Variants in CMIP observed in about 807,000 individuals in gnomAD.
The protein encoded by CMIP is c-Maf inducing protein, also known as C-Maf-inducing protein.
CMIP carries 13 observed loss-of-function variants against 97.3 expected under a neutral mutation model. The observed-to-expected ratio is 0.13, with a 90% CI of 0.09 to 0.21. The LOEUF is 0.21. Ranked by LOEUF, CMIP falls within the 10% of genes least tolerant of loss-of-function variation. The pLI is 1.00. For synonymous variants in CMIP, 538 were observed against 436.3 expected (o/e 1.23, Z -2.91); for missense variants, 847 against 1,024.9 (o/e 0.83, Z 2.37).
rs143023892 is a variant in CMIP at position 81,482,980 on chromosome 16, A to G, written c.300+37439A>G. Among the ~76,000 whole-genome samples, 627 of 152,350 alleles carry G rather than the reference A, an allele frequency of 4.1e-3. 13 individuals carry two copies. Among genetic ancestry groups the G allele is most frequent in the East Asian group, 7.5e-3 (39 of 5,184 alleles). ...CAGGCACCATTGCAGGCACGGAGCA[A>G]AGCAGGCATCATCCTGGCCTACTTG... On this transcript the variant is annotated intron_variant, in intron 1 of 20. Coordinates refer to ENST00000537098, the MANE Select transcript of CMIP (RefSeq NM_198390.3).
chr16:81,620,991 T>C (rs2091984893), intron 3 of CMIP, 65 bp downstream of exon 3: 2 of 1,594,718 alleles, frequency 1.3e-6, no homozygotes, highest in Non-Finnish European at 1.7e-6. Flanking sequence ...TTAAAGCCAA[T>C]CTGTCACCCA....
chr16:81,461,959 T>C (rs1280856687), intron 1 of CMIP, among the ~76,000 whole-genome samples: 1 of 152,262 alleles, frequency 6.6e-6, no homozygotes, highest in Non-Finnish European at 1.5e-5. Flanking sequence ...GCAGTTCTCA[T>C]GGAGCTGGCT....
At chr16:81,648,766 G>C (rs2092393616) in intron 3 of CMIP, among the ~76,000 whole-genome samples, 1 of 115,250 alleles carries the variant, frequency 8.7e-6, no homozygotes, top group Non-Finnish European at 1.6e-5. Flanking sequence ...TTGAGTGACA[G>C]AGCAAGACTC....
intron 1 of CMIP, chr16:81,519,303 C>G (rs1009055130): frequency 2.6e-5 from 4 of 152,204 alleles, no homozygotes; most frequent in African/African-American, 9.6e-5. Context: ...TGTCTCAAAG[C>G]AAACACACAC....
At chr16:81,679,949 C>G (rs955066455) in intron 10 of CMIP, among the ~76,000 whole-genome samples, 1 of 152,320 alleles carries the variant, frequency 6.6e-6, no homozygotes, top group Non-Finnish European at 1.5e-5. Flanking sequence ...AGACACCTCC[C>G]CCTTTCTCGC....
At chr16:81,672,106 G>C (rs1444082254) in intron 9 of CMIP, 36 bp downstream of exon 9, 3 of 1,332,988 alleles carry the variant, frequency 2.3e-6, no homozygotes, top group Admixed American at 2.0e-5. Flanking sequence ...AGAGGGCTTG[G>C]GAGGGGCAAA....
rs1472942111 is a variant in CMIP, at chr16:81,445,257, A to G, written c.16A>G (p.Ser6Gly). 19 of 1,467,820 alleles carry G rather than the reference A, an allele frequency of 1.3e-5. No homozygotes were observed. Among genetic ancestry groups the G allele is most frequent in the Non-Finnish European group, 1.7e-5 (19 of 1,105,154 alleles). 90.9% of individuals were successfully genotyped at this position (1,467,820 alleles called of 1,614,324 possible). A position where few individuals can be genotyped will look rare whatever the true frequency, so the allele number is the denominator to read the frequency against. Residue 6 changes from serine (S) to glycine (G), a missense_variant, in exon 1 of 21, where the codon AGC (serine) becomes GGC (glycine). Physicochemically the swap from Ser to Gly is moderately conservative, Grantham distance 56. Transcript: ENST00000537098. MDVTS[S>G]SGGGGDPRQI... ...CGGCGCGGCCATGGATGTGACCAGC[A>G]GCTCGGGCGGCGGCGGCGACCCCCG...
At chr16:81,590,954 A>G (rs1164965012) in intron 1 of CMIP, among the ~76,000 whole-genome samples, 1 of 152,190 alleles carries the variant, frequency 6.6e-6, no homozygotes, top group Non-Finnish European at 1.5e-5. Context: ...TTGGAACACA[A>G]CCATGATCAT....
At chr16:81,623,152 C>T (rs899419572) in intron 3 of CMIP, among the ~76,000 whole-genome samples, 2 of 152,106 alleles carry the variant, frequency 1.3e-5, no homozygotes, top group Admixed American at 6.5e-5. Context: ...TGTAGTGAGC[C>T]AAGATTGGTC....
chr16:81,454,108 C>T (rs559578191), intron 1 of CMIP, among the ~76,000 whole-genome samples: 5 of 152,240 alleles, frequency 3.3e-5, no homozygotes, highest in South Asian at 4.2e-4. Flanking sequence ...GGGGGCATTT[C>T]GGCCAAGCTT....
intron 1 of CMIP, among the ~76,000 whole-genome samples, chr16:81,530,920 C>A (rs144571719): frequency 5.3e-4 from 80 of 152,310 alleles, no homozygotes; most frequent in African/African-American, 1.9e-3. Flanking sequence ...ACTCAGCCCA[C>A]CCGCCCTTCT....
rs556819947 is a variant in CMIP at position 81,592,713 on chromosome 16, C to T, written c.301-14854C>T. Among the ~76,000 whole-genome samples the T allele has an allele frequency of 2.6e-5, 4 of 152,318 alleles. No homozygotes were observed. The East Asian group carries it at 5.8e-4, about 22-fold the overall frequency. The stretch of plus-strand genomic sequence containing the variant: ...ACCGAGGCCCACTGCTTGATGGACC[C>T]GAACCTCCTTTTCTCCTCCATGGAA... On this transcript the variant is annotated intron_variant, in intron 1 of 20. Coordinates refer to ENST00000537098, the MANE Select transcript of CMIP (RefSeq NM_198390.3).
rs2092538896 is a variant in CMIP, at chr16:81,660,957, G to A, written c.744+11G>A. 6.2e-7 allele frequency: 1 copy of A among 1,613,984 alleles called. No individual in the cohort carries two copies. The highest frequency in any genetic ancestry group is 8.5e-7 in the Non-Finnish European group (1 of 1,179,892). ...GAATTCTTTTGCAAGGTACGGGATT[G>A]CTGAGCTGGGGCTGTGGCTGCAGGA... On this transcript the variant is annotated intron_variant, in intron 6 of 20. Coordinates refer to ENST00000537098, the MANE Select transcript of CMIP (RefSeq NM_198390.3).
At chr16:81,579,859 G>A (rs2091265990) in intron 1 of CMIP, among the ~76,000 whole-genome samples, 1 of 152,232 alleles carries the variant, frequency 6.6e-6, no homozygotes, top group Non-Finnish European at 1.5e-5. Flanking sequence ...GGGAGGCTGA[G>A]GCCGGAGAAT....
At chr16:81,509,381 C>T (rs557952560) in intron 1 of CMIP, among the ~76,000 whole-genome samples, 2 of 152,214 alleles carry the variant, frequency 1.3e-5, no homozygotes, top group Non-Finnish European at 2.9e-5. Flanking sequence ...TTCCTGTCAC[C>T]TAGCTCGGCA....
At chr16:81,492,316 G>C (rs1009474649) in intron 1 of CMIP, among the ~76,000 whole-genome samples, 2 of 152,212 alleles carry the variant, frequency 1.3e-5, no homozygotes, top group African/African-American at 4.8e-5. Flanking sequence ...AACTTCACGT[G>C]TTGAAAATGG....
chr16:81,696,278 C>T (rs987115025), intron 13 of CMIP: 26 of 520,408 alleles, frequency 5.0e-5, no homozygotes, highest in South Asian at 1.3e-4. Flanking sequence ...GCCACAGGCC[C>T]GCTTCATTCA....
rs940240756 is a variant in CMIP at position 81,616,372 on chromosome 16, C to T, written c.427-4504C>T. On this transcript the variant is annotated intron_variant, in intron 2 of 20. Coordinates refer to ENST00000537098, the MANE Select transcript of CMIP (RefSeq NM_198390.3). The surrounding 1 kb of genome is among the most constrained non-coding windows in gnomAD (Gnocchi z 4.7). ...GTGTGGGGAGGGCAGGGGCAGGCGC[C>T]GGAGTGTGCAGAGGCACCCCACTGC... Among the ~76,000 whole-genome samples, 4 of 152,106 alleles carry T rather than the reference C, an allele frequency of 2.6e-5. No individual in the cohort carries two copies. Among genetic ancestry groups the T allele is most frequent in the East Asian group, 1.9e-4 (1 of 5,200 alleles).
At chr16:81,579,055 T>C (rs74029198) in intron 1 of CMIP, among the ~76,000 whole-genome samples, 6,917 of 152,272 alleles carry the variant, frequency 0.045, 233 homozygotes, top group Middle Eastern at 0.12. Flanking sequence ...TTTTCTTCCA[T>C]AGAATCTCGG....
Sources: allele counts gnomAD v4.1 joint callset (sites outside exome capture counted in the v4.1 genomes callset), GRCh38; gene constraint gnomAD v4.1.1; non-coding constraint Gnocchi (gnomAD v3.1); transcripts MANE v1.5; gene names NCBI Gene and HGNC (gene_info 2026-07-23, HGNC 2026-07-21).